Variants in USP11 observed in about 807,000 individuals in gnomAD.
The protein encoded by USP11 is ubiquitin specific peptidase 11.
USP11 carries 5 observed loss-of-function variants against 72.8 expected under a neutral mutation model. The observed-to-expected ratio is 0.07, with a 90% confidence interval of 0.04 to 0.14. The LOEUF is 0.14. USP11 is among the 10% of genes least tolerant of loss of function. The pLI, the probability that USP11 is intolerant of heterozygous loss-of-function variation, is 1.00. For missense variants in USP11, 480 were observed against 794.7 expected (o/e 0.60, Z 4.76); for synonymous variants, 368 against 326.5 (o/e 1.13, Z -1.37).
In USP11 at chrX:47,241,527, G is replaced by C; in HGVS notation, c.1021-14G>C. 1 of 1,192,262 alleles carries C rather than the reference G, an allele frequency of 8.4e-7. No homozygotes were observed. The highest frequency in any genetic ancestry group is 1.1e-6 in the Non-Finnish European group (1 of 884,718). ...AACTCCCTCTCTCTCTGATGACCCT[G>C]CCCATCTTCTTAGAACAAGGTTGGC... On this transcript the variant is annotated splice_polypyrimidine_tract_variant and intron_variant, in intron 8 of 20. Transcript: ENST00000377107.
chrX:47,244,624 A>C, intron 14 of USP11, 58 bp from the exon 15 acceptor site: 1 of 1,205,236 alleles, frequency 8.3e-7, no homozygotes, highest in South Asian at 1.8e-5. Flanking sequence ...CTAGGTGTGC[A>C]TTGCAGCTTA....
intron 3 of USP11, 103 bp downstream of exon 3, chrX:47,239,584 G>A: frequency 9.0e-7 from 1 of 1,107,641 alleles, no homozygotes; most frequent in Non-Finnish European, 1.2e-6. Context: ...GTACACATAT[G>A]TCTGCTCTCT....
rs2055446062 is a variant in USP11 at position 47,248,050 on chromosome X, G to C, written c.*120G>C. The C allele has an allele frequency of 9.9e-7, 1 of 1,010,410 alleles. No homozygotes were observed. Among genetic ancestry groups the C allele is most frequent in the Non-Finnish European group, 1.3e-6 (1 of 764,175 alleles). The allele number at this position is 1,010,410 out of a possible 1,213,427, so 83.3% of individuals were successfully genotyped here. ...GCCCCCGCCAGGCATTGCAGGCTTA[G>C]TCGTGGCTACTGTTCTCCTGTGCCG... On this transcript the variant is annotated 3_prime_UTR_variant, in exon 21 of 21. Coordinates refer to ENST00000377107, the MANE Select transcript of USP11 (RefSeq NM_001371072.1).
At chrX:47,238,854 T>C (rs1253425628) in intron 1 of USP11, among the ~76,000 whole-genome samples, 1 of 112,321 alleles carries the variant, frequency 8.9e-6, no homozygotes, top group Non-Finnish European at 1.9e-5. Flanking sequence ...ATTTTCTGTT[T>C]TTAATCAGAT....
At chrX:47,238,421 C>A (rs2055385270) in intron 1 of USP11, among the ~76,000 whole-genome samples, 1 of 106,084 alleles carries the variant, frequency 9.4e-6, no homozygotes, top group Non-Finnish European at 1.9e-5. Flanking sequence ...CTCCTGACCT[C>A]AGGTGATCCA....
At chrX:47,245,142 G>A (rs1256900971) in intron 16 of USP11, 56 bp downstream of exon 16, 7 of 1,160,781 alleles carry the variant, frequency 6.0e-6, no homozygotes, top group Non-Finnish European at 7.0e-6. Flanking sequence ...TCAACTCTTC[G>A]TACATCCTCC....
At chrX:47,234,415 ACGT>A (rs1211753452) in intron 1 of USP11, among the ~76,000 whole-genome samples, 4 of 112,272 alleles carry the variant, frequency 3.6e-5, no homozygotes, top group Non-Finnish European at 5.6e-5. Flanking sequence ...GGCAATGGAA[ACGT>A]CGGTGAAATT....
chrX:47,235,273 A>G (rs963763769), intron 1 of USP11, among the ~76,000 whole-genome samples: 12 of 112,170 alleles, frequency 1.1e-4, no homozygotes, highest in Non-Finnish European at 2.3e-4. Context: ...ATACATATAT[A>G]TAAAATTCTA....
chrX:47,237,762 C>A (rs895482662), intron 1 of USP11, among the ~76,000 whole-genome samples: 18 of 106,711 alleles, frequency 1.7e-4, no homozygotes, highest in Non-Finnish European at 3.3e-4. Flanking sequence ...GTCAGAAATG[C>A]CACAGCAGAA....
intron 1 of USP11, among the ~76,000 whole-genome samples, chrX:47,235,172 A>G (rs960348106): frequency 1.4e-4 from 16 of 112,487 alleles, no homozygotes; most frequent in African/African-American, 5.2e-4. Context: ...TTGAGTTAAC[A>G]GTCTCTTCCT....
rs2055448720 is a variant in USP11, at chrX:47,248,326, C to T, written c.*396C>T. 1 of 152,691 alleles carries T rather than the reference C, an allele frequency of 6.5e-6. No homozygotes were observed. Among genetic ancestry groups the T allele is most frequent in the African/African-American group, 3.2e-5 (1 of 31,246 alleles). 12.6% of individuals were successfully genotyped at this position (152,691 alleles called of 1,213,427 possible). A position where few individuals can be genotyped will look rare whatever the true frequency, so the allele number is the denominator to read the frequency against. ...TATATATAAAGCACCAGTCTGCTCC[C>T]CACTCAGCAGTGTGGTTTTTTCCTC... On this transcript the variant is annotated 3_prime_UTR_variant, in exon 21 of 21. Transcript: ENST00000377107.
chrX:47,244,087 CGCTCCATACCTTTTTTTTTTTT>C (rs2055418600), intron 13 of USP11, among the ~76,000 whole-genome samples: 1 of 106,495 alleles, frequency 9.4e-6, no homozygotes, highest in Admixed American at 1.0e-4. Context: ...TAAAAGTCCA[CGCTCCATACCTTTTTTTTTTTT>C]TTTTTTTGAG....
intron 2 of USP11, 39 bp from the exon 3 acceptor site, chrX:47,239,312 G>A (rs747319161): frequency 8.3e-7 from 1 of 1,202,264 alleles, no homozygotes; most frequent in South Asian, 1.8e-5. Flanking sequence ...AGTTTCCTTT[G>A]TTGATTCTTC....
Position 47,233,144 on chromosome X carries a change from G to A in USP11, c.101G>A (p.Gly34Asp). The change falls in exon 1 of 21, where the codon GGC (glycine) becomes GAC (aspartate). Residue 34 changes from glycine to aspartate, a missense_variant. By Grantham distance (94) the Gly-to-Asp change is moderately conservative. This residue lies in a region of USP11 where 71 missense variants were observed against 71.4 expected (regional missense o/e 0.99). Coordinates refer to ENST00000377107, the MANE Select transcript of USP11 (RefSeq NM_001371072.1). ...GAGCCACAGCACGAGGAGCTGCCAG[G>A]CCTGGACAGCCAGTGGCGCCAGATA... is the stretch of plus-strand genomic sequence containing the variant. ...DREPQHEELPGLDSQWRQIEN... is the reference protein window; with the variant it reads ...DREPQHEELPDLDSQWRQIEN... The A allele has an allele frequency of 1.7e-6, 2 of 1,197,520 alleles. No homozygotes were observed. The highest frequency in any genetic ancestry group is 2.3e-6 in the Non-Finnish European group (2 of 887,961).
chrX:47,242,891 A>T (rs1569236077), intron 12 of USP11, among the ~76,000 whole-genome samples, 171 bp downstream of exon 12: 1 of 111,258 alleles, frequency 9.0e-6, no homozygotes, highest in Non-Finnish European at 1.9e-5. Context: ...CAGGAGAATC[A>T]CTTGAACCCG....
intron 16 of USP11, 115 bp downstream of exon 16, chrX:47,245,201 T>G: frequency 9.7e-7 from 1 of 1,034,094 alleles, no homozygotes; most frequent in Non-Finnish European, 1.3e-6. Flanking sequence ...AGGTCAAGCT[T>G]GGCCTTGGGG....
At position 47,240,301 on chromosome X, in the gene USP11, A is replaced by C. The variant is rs1488980905; in HGVS notation, c.536-4A>C. On this transcript the variant is annotated splice_polypyrimidine_tract_variant and splice_region_variant and intron_variant, in intron 4 of 20. Transcript: ENST00000377107. ...TCTTGAATGTACTCCATCACCCCGC[A>C]CAGGCCTAGTATTGCGCACAGCTCG... is the stretch of plus-strand genomic sequence containing the variant. 8.3e-7 allele frequency: 1 copy of C among 1,210,191 alleles called. No individual in the cohort carries two copies. Among genetic ancestry groups the C allele is most frequent in the Admixed American group, 2.2e-5 (1 of 45,844 alleles).
chrX:47,247,297 C>T lies in USP11; in HGVS notation c.2421-7C>T. On this transcript the variant is annotated splice_region_variant and splice_polypyrimidine_tract_variant and intron_variant, in intron 18 of 20. Coordinates refer to ENST00000377107, the MANE Select transcript of USP11 (RefSeq NM_001371072.1). ...TGTACCAGTATTAACCCTCTCCCCA[C>T]CCACAGGGACCTGGACTTCTCTGAG... 1.7e-6 allele frequency: 2 copies of T among 1,211,612 alleles called. No individual in the cohort carries two copies. The highest frequency in any genetic ancestry group is 2.2e-6 in the Non-Finnish European group (2 of 895,315).
intron 17 of USP11, 88 bp from the exon 18 acceptor site, chrX:47,246,984 G>C (rs945617599): frequency 9.2e-6 from 10 of 1,084,130 alleles, no homozygotes; most frequent in African/African-American, 3.9e-5. Flanking sequence ...TCGCGCCACT[G>C]TACTCCAGCC....
Sources: allele counts gnomAD v4.1 joint callset (sites outside exome capture counted in the v4.1 genomes callset), GRCh38; gene constraint gnomAD v4.1.1; regional missense constraint gnomAD v4.1.1; transcripts MANE v1.5; gene names NCBI Gene and HGNC (gene_info 2026-07-23, HGNC 2026-07-21).